The following ATP2A3 variants were observed in gnomAD, a reference collection of about 807,000 sequenced individuals.
ATP2A3 encodes ATPase sarcoplasmic/endoplasmic reticulum Ca2+ transporting 3.
Under a neutral mutation model 106.8 loss-of-function variants are expected in ATP2A3, and 61 were observed. The ratio of observed to expected loss-of-function variants is 0.57; its 90% CI spans 0.46 to 0.71. The LOEUF (loss-of-function observed/expected upper bound fraction) is 0.71. Ranked by LOEUF, ATP2A3 falls within the 30% of genes least tolerant of loss-of-function variation. The probability of loss-of-function intolerance (pLI) is 0.00; values close to 1 mark genes in which losing one functional copy is unlikely to be tolerated. For synonymous variants in ATP2A3, 611 were observed against 609.3 expected (o/e 1.00, Z -0.04); for missense variants, 1,201 against 1,423.5 (o/e 0.84, Z 2.52).
chr17:3,949,384 A>G (rs1382931606), intron 7 of ATP2A3, among the ~76,000 whole-genome samples: 1 of 152,174 alleles, frequency 6.6e-6, no homozygotes, highest in East Asian at 1.9e-4. Flanking sequence ...ACCCATCACT[A>G]TCCCTGAGAA....
intron 17 of ATP2A3, chr17:3,934,790 T>G (rs2053331441): frequency 4.8e-6 from 1 of 209,102 alleles, no homozygotes; most frequent in South Asian, 7.4e-5. Context: ...CCCAAAGTGC[T>G]GGGATTACAG....
At chr17:3,932,693 G>A (rs1254278909) in intron 17 of ATP2A3, among the ~76,000 whole-genome samples, 1 of 152,106 alleles carries the variant, frequency 6.6e-6, no homozygotes. Flanking sequence ...GCCCGCCTTG[G>A]CATCCCAGAG....
intron 1 of ATP2A3, among the ~76,000 whole-genome samples, chr17:3,958,819 C>CATATAT (rs2054956349): frequency 8.5e-6 from 1 of 117,628 alleles, no homozygotes; most frequent in Non-Finnish European, 1.7e-5. Flanking sequence ...TATATATATA[C>CATATAT]ACACATATAT....
intron 1 of ATP2A3, among the ~76,000 whole-genome samples, chr17:3,959,874 G>T (rs1272007308): frequency 6.6e-6 from 1 of 152,202 alleles, no homozygotes; most frequent in Non-Finnish European, 1.5e-5. Flanking sequence ...GGAGATGAAG[G>T]GTTTGCTCAA....
rs1258306271 is a variant in ATP2A3, at chr17:3,928,487, CA to C, written c.2980+175del. The C allele has an allele frequency of 2.1e-6, 2 of 941,088 alleles. No homozygotes were observed. Among genetic ancestry groups the C allele is most frequent in the East Asian group, 2.6e-5 (1 of 38,090 alleles). 58.3% of individuals were successfully genotyped at this position (941,088 alleles called of 1,614,324 possible). ...CCCCTGCAGTGCAAGACCCTGCGGA[CA>C]CCTTGGGACCCAGCCACCAGAGCCC... On this transcript the variant is annotated intron_variant, in intron 20 of 20. Transcript: ENST00000397041. The surrounding 1 kb of genome is among the most constrained non-coding windows in gnomAD (Gnocchi z 6.1).
rs935491381 is a variant in ATP2A3 at position 3,925,988 on chromosome 17, A to C, written c.2981-547T>G. Among the ~76,000 whole-genome samples the C allele has an allele frequency of 2.0e-5, 3 of 151,672 alleles. No individual in the cohort carries two copies. Among genetic ancestry groups the C allele is most frequent in the Non-Finnish European group, 4.4e-5 (3 of 67,934 alleles). ...TGGTTCCTCACTGTCCTCAGAGTAA[A>C]GTCTAAGCCCGCCTGTAACCTCCCA... is the stretch of plus-strand genomic sequence containing the variant. On this transcript the variant is annotated intron_variant, in intron 20 of 20. Coordinates refer to ENST00000397041, the MANE Select transcript of ATP2A3 (RefSeq NM_005173.4). The surrounding 1 kb of genome is among the most constrained non-coding windows in gnomAD (Gnocchi z 4.2).
At chr17:3,934,166 C>T (rs1405483395) in intron 17 of ATP2A3, among the ~76,000 whole-genome samples, 2 of 151,954 alleles carry the variant, frequency 1.3e-5, no homozygotes, top group East Asian at 1.9e-4. Context: ...TCAAGTGATC[C>T]GCCCACCTCG....
intron 17 of ATP2A3, among the ~76,000 whole-genome samples, chr17:3,931,823 G>A (rs984638002): frequency 2.0e-5 from 3 of 152,126 alleles, no homozygotes; most frequent in Non-Finnish European, 2.9e-5. Context: ...GCCCGGCCAT[G>A]GAGATCTTTT....
At chr17:3,938,941 G>A (rs2144419943) in intron 14 of ATP2A3, among the ~76,000 whole-genome samples, 1 of 144,382 alleles carries the variant, frequency 6.9e-6, no homozygotes, top group South Asian at 2.2e-4. Context: ...GCCAAGGCAG[G>A]AGGATTGCTT....
chr17:3,931,432 G>C (rs1260592894), intron 17 of ATP2A3, among the ~76,000 whole-genome samples: 1 of 152,116 alleles, frequency 6.6e-6, no homozygotes, highest in East Asian at 1.9e-4. Context: ...ATAGGGATGA[G>C]GGTGAATGTT....
chr17:3,941,204 T>G lies in ATP2A3; in HGVS notation c.1867A>C (p.Met623Leu), dbSNP rs1407318148. ...RCYQAGIRVV[M>L]ITGDNKGTAV... Reference sequence around the variant, plus strand: ...GTGCCTTTGTTATCCCCCGTGATCATGACCACGCGGATGCCCGCCTGGTAG... The same window carrying G: ...GTGCCTTTGTTATCCCCCGTGATCAGGACCACGCGGATGCCCGCCTGGTAG... The change falls in exon 14 of 21, where the codon ATG (methionine) becomes CTG (leucine). Residue 623 changes from methionine (M) to leucine (L), a missense_variant. Met to Leu is a conservative substitution (Grantham distance 15, BLOSUM62 2). Around this residue, in one of 2 missense-constraint regions of ATP2A3, gnomAD observed 935 missense variants for 1,176.7 expected, o/e 0.79. Transcript: ENST00000397041. 3 of 1,614,154 alleles carry G rather than the reference T, an allele frequency of 1.9e-6. No individual in the cohort carries two copies. The highest frequency in any genetic ancestry group is 2.5e-6 in the Non-Finnish European group (3 of 1,180,030).
At chr17:3,933,993 A>G (rs7220264) in intron 17 of ATP2A3, among the ~76,000 whole-genome samples, 23,304 of 149,686 alleles carry the variant, frequency 0.16, 2,250 homozygotes, top group African/African-American at 0.22. Context: ...GTGCGATCTC[A>G]GCTCACTGCA....
chr17:3,941,655 C>A lies in ATP2A3; in HGVS notation c.1546-1G>T. On this transcript the variant is annotated splice_acceptor_variant, in intron 12 of 20. Transcript: ENST00000397041. LOFTEE classifies it high-confidence loss of function. ...GCTCGATCACACTCTCAGGAGCCCC[C>A]TGCGAGGTGGGGAGAGGGAGAAGAG... 6.2e-7 allele frequency: 1 copy of A among 1,605,898 alleles called. No homozygotes were observed. Among genetic ancestry groups the A allele is most frequent in the Non-Finnish European group, 8.5e-7 (1 of 1,179,928 alleles).
In ATP2A3 at chr17:3,928,726, T is replaced by A. The variant is rs2052861552; in HGVS notation, c.2917A>T (p.Ile973Leu). The A allele has an allele frequency of 1.3e-6, 2 of 1,551,418 alleles. No individual in the cohort carries two copies. The highest frequency in any genetic ancestry group is 1.7e-6 in the Non-Finnish European group (2 of 1,147,314). ...SGRQWVVVLQ[I>L]SLPVILLDEA... ...TCCAGCAGGATGACAGGCAGAGATA[T>A]CTGGAGCACCACCACCCACTGGCGC... is the stretch of plus-strand genomic sequence containing the variant. The change falls in exon 20 of 21, where the codon ATA (isoleucine) becomes TTA (leucine). Residue 973 changes from isoleucine (I) to leucine (L), a missense_variant. Ile to Leu is a conservative substitution (Grantham distance 5). Coordinates refer to ENST00000397041, the MANE Select transcript of ATP2A3 (RefSeq NM_005173.4). The surrounding 1 kb of genome is among the most constrained non-coding windows in gnomAD (Gnocchi z 6.1).
At chr17:3,951,545 C>CCCCCCCCCCCCCCCCCCCCCCCCCCCA in intron 4 of ATP2A3, 36 bp downstream of exon 4, 4 of 1,351,106 alleles carry the variant, frequency 3.0e-6, no homozygotes, top group African/African-American at 1.5e-5. Flanking sequence ...GCTGGGAGAC[C>CCCCCCCCCCCCCCCCCCCCCCCCCCCA]GCCCCCCGCC....
chr17:3,934,840 TCTC>T (rs1017334277), intron 17 of ATP2A3: 2 of 281,210 alleles, frequency 7.1e-6, no homozygotes, highest in Non-Finnish European at 1.4e-5. Context: ...CCATTCTTGA[TCTC>T]CTCAGTTTGA....
At chr17:3,958,515 C>G (rs776706207) in intron 1 of ATP2A3, among the ~76,000 whole-genome samples, 6 of 151,954 alleles carry the variant, frequency 3.9e-5, no homozygotes, top group Non-Finnish European at 8.8e-5. Flanking sequence ...GGATCTGTCC[C>G]CACCTGCCCT....
chr17:3,940,697 G>A (rs1002977447), intron 14 of ATP2A3, among the ~76,000 whole-genome samples: 1 of 152,052 alleles, frequency 6.6e-6, no homozygotes, highest in African/African-American at 2.4e-5. Context: ...TAGTAGAGAC[G>A]GGGTTTCCTC....
At chr17:3,944,578 C>A in intron 10 of ATP2A3, 126 bp downstream of exon 10, 1 of 936,958 alleles carries the variant, frequency 1.1e-6, no homozygotes, top group Non-Finnish European at 1.7e-6. Context: ...CAGGGGTAAC[C>A]GTGCTCCCTG....
Sources: allele counts gnomAD v4.1 joint callset (sites outside exome capture counted in the v4.1 genomes callset), GRCh38; gene constraint gnomAD v4.1.1; regional missense constraint gnomAD v4.1.1; non-coding constraint Gnocchi (gnomAD v3.1); transcripts MANE v1.5; gene names NCBI Gene and HGNC (gene_info 2026-07-23, HGNC 2026-07-21).